The following RBPJ variants were observed in gnomAD, a reference collection of about 807,000 sequenced individuals.
RBPJ encodes the protein recombining binding protein suppressor of hairless.
RBPJ carries 9 observed loss-of-function variants against 67.8 expected under a neutral mutation model. The ratio of observed to expected loss-of-function variants is 0.13; its 90% confidence interval spans 0.08 to 0.23. The LOEUF is 0.23. RBPJ is among the 10% of genes least tolerant of loss of function. The pLI is 1.00. For synonymous variants in RBPJ, 198 were observed against 203.3 expected (o/e 0.97, Z 0.22); for missense variants, 305 against 595.6 (o/e 0.51, Z 5.08).
chr4:26,386,771 C>G (rs1263051938), intron 2 of RBPJ, among the ~76,000 whole-genome samples: 1 of 152,022 alleles, frequency 6.6e-6, no homozygotes, highest in Non-Finnish European at 1.5e-5. Flanking sequence ...ACAGTTTTTA[C>G]CCATTTTAAG....
In RBPJ at chr4:26,266,765, A is replaced by C. The variant is rs1036126757; in HGVS notation, c.-166-95681A>C. 6.6e-5 allele frequency among the ~76,000 whole-genome samples: 10 copies of C among 152,326 alleles called. No homozygotes were observed. In the East Asian group the frequency reaches 1.9e-3, roughly 29 times the overall value. On this transcript the variant is annotated intron_variant, in intron 1 of 4. Coordinates refer to the RBPJ transcript ENST00000512351. ...AGCCCCATTAGGTGGATGGATGGAT[A>C]GATAAATGACATTTAGGAGAGAGCT... is the stretch of plus-strand genomic sequence containing the variant.
At chr4:26,109,456 CTCTCTA>C in the RBPJ span, among the ~76,000 whole-genome samples, 64 of 18,676 alleles carry the variant, frequency 3.4e-3, 2 homozygotes, top group African/African-American at 8.9e-3. Context: ...CTCTCTCTCT[CTCTCTA>C]TATATATATA....
intron 1 of RBPJ, among the ~76,000 whole-genome samples, chr4:26,230,939 A>G (rs1333439684): frequency 6.6e-6 from 1 of 152,206 alleles, no homozygotes; most frequent in African/African-American, 2.4e-5. Context: ...TGTCATTTTT[A>G]GCACGTCACC....
intron 1 of RBPJ, among the ~76,000 whole-genome samples, chr4:26,210,020 CAT>C (rs1395435324): frequency 6.6e-6 from 1 of 152,016 alleles, no homozygotes; most frequent in African/African-American, 2.4e-5. Context: ...ACCCTAAAAC[CAT>C]ATGAGGACCC....
the RBPJ span, among the ~76,000 whole-genome samples, chr4:26,156,414 C>CTTTTTTTTTT: frequency 4.3e-3 from 401 of 93,496 alleles, 2 homozygotes; most frequent in East Asian, 6.1e-3. Context: ...TCTTTTCTTT[C>CTTTTTTTTTT]TTTTTTTTTT....
At chr4:26,167,104 T>G (rs1716345823) in intron 1 of RBPJ, among the ~76,000 whole-genome samples, 1 of 152,048 alleles carries the variant, frequency 6.6e-6, no homozygotes, top group African/African-American at 2.4e-5. Context: ...TACCATGCTG[T>G]TTTGGTTACT....
chr4:26,422,785 A>G (rs569886132), intron 5 of RBPJ, among the ~76,000 whole-genome samples: 1 of 152,144 alleles, frequency 6.6e-6, no homozygotes, highest in South Asian at 2.1e-4. Flanking sequence ...TTAACATTCA[A>G]CCAATCTTAT....
At chr4:26,266,498 T>C (rs1337524678) in intron 1 of RBPJ, among the ~76,000 whole-genome samples, 1 of 152,176 alleles carries the variant, frequency 6.6e-6, no homozygotes, top group Non-Finnish European at 1.5e-5. Flanking sequence ...GCAAGGCCTA[T>C]TTGTTCAGAT....
chr4:26,258,877 C>T (rs185854180), intron 1 of RBPJ, among the ~76,000 whole-genome samples: 1 of 152,022 alleles, frequency 6.6e-6, no homozygotes, highest in East Asian at 1.9e-4. Flanking sequence ...GATCTTGGCT[C>T]ACTGCAACCT....
chr4:26,140,317 A>G, the RBPJ span, among the ~76,000 whole-genome samples: 1 of 152,114 alleles, frequency 6.6e-6, no homozygotes, highest in Non-Finnish European at 1.5e-5. Context: ...CTCTACTAGG[A>G]TTCTTTTGGT....
In RBPJ at chr4:26,429,926, A is replaced by C; in HGVS notation, c.917A>C (p.Lys306Thr). Residue 306 changes from lysine to threonine, a missense_variant, in exon 9 of 11, where the codon AAA becomes ACA. Around this residue, in one of 7 missense-constraint regions of RBPJ, gnomAD observed 66 missense variants for 226.0 expected, o/e 0.29. Transcript: ENST00000355476. Reference sequence around the variant, plus strand: ...ACTCCATGTCCAAAAGAACCAAATAAAGAGATGATAAATGATGGCGCTTCC... The same window carrying C: ...ACTCCATGTCCAAAAGAACCAAATACAGAGATGATAAATGATGGCGCTTCC... ...QATPCPKEPNKEMINDGASWT... is the reference protein window; with the variant it reads ...QATPCPKEPNTEMINDGASWT... 1 of 1,613,390 alleles carries C rather than the reference A, an allele frequency of 6.2e-7. No homozygotes were observed. Among genetic ancestry groups the C allele is most frequent in the Non-Finnish European group, 8.5e-7 (1 of 1,179,918 alleles).
At chr4:26,320,967 A>G (rs1488229630), upstream of RBPJ, 5 of 1,511,894 alleles carry the variant, frequency 3.3e-6, no homozygotes, top group Non-Finnish European at 4.6e-6. Context: ...GGGGAGAGGG[A>G]CCAGGGAAGG....
chr4:26,237,278 T>C (rs1719483415), intron 1 of RBPJ, among the ~76,000 whole-genome samples: 1 of 152,128 alleles, frequency 6.6e-6, no homozygotes, highest in African/African-American at 2.4e-5. Context: ...CACTTAAGTA[T>C]ATAGTGCAAT....
intron 2 of RBPJ, among the ~76,000 whole-genome samples, chr4:26,401,032 G>A: frequency 6.6e-6 from 1 of 152,236 alleles, no homozygotes; most frequent in East Asian, 1.9e-4. Context: ...AGCCTCAGTG[G>A]AAGTCCCATT....
intron 3 of RBPJ, among the ~76,000 whole-genome samples, chr4:26,414,933 T>A (rs1456196178): frequency 6.6e-6 from 1 of 152,194 alleles, no homozygotes; most frequent in Non-Finnish European, 1.5e-5. Flanking sequence ...AATCAGGAGA[T>A]CCATGTATTT....
intron 1 of RBPJ, among the ~76,000 whole-genome samples, chr4:26,246,001 T>C (rs1455618392): frequency 2.6e-5 from 4 of 152,220 alleles, no homozygotes; most frequent in Non-Finnish European, 5.9e-5. Flanking sequence ...AAAGGGTAAG[T>C]CTCCAAACTT....
At chr4:26,155,135 T>C in the RBPJ span, among the ~76,000 whole-genome samples, 1 of 152,232 alleles carries the variant, frequency 6.6e-6, no homozygotes, top group East Asian at 1.9e-4. Context: ...ATCACTCTCT[T>C]TTGGAAAGGA....
At chr4:26,203,980 C>G (rs1253582556) in intron 1 of RBPJ, among the ~76,000 whole-genome samples, 1 of 152,180 alleles carries the variant, frequency 6.6e-6, no homozygotes, top group African/African-American at 2.4e-5. Flanking sequence ...GGGTCTCACT[C>G]TCCCACGGGG....
chr4:26,180,004 G>T (rs1269837514), intron 1 of RBPJ, among the ~76,000 whole-genome samples: 3 of 152,168 alleles, frequency 2.0e-5, no homozygotes, highest in East Asian at 3.8e-4. Context: ...TAAAAAGAAT[G>T]AGATCCTATC....
Sources: allele counts gnomAD v4.1 joint callset (sites outside exome capture counted in the v4.1 genomes callset), GRCh38; gene constraint gnomAD v4.1.1; regional missense constraint gnomAD v4.1.1; transcripts MANE v1.5; gene names NCBI Gene and HGNC (gene_info 2026-07-23, HGNC 2026-07-21).